PRELID2: variants seen among roughly 807,000 people sequenced by gnomAD.
The protein encoded by PRELID2 is PRELI domain containing 2.
In PRELID2, 25 loss-of-function variants were observed where a neutral mutation model predicts 28.4. The observed-to-expected ratio is 0.88, with a 90% CI of 0.64 to 1.23. The LOEUF is 1.23. Ranked by LOEUF, PRELID2 falls within the 50% of genes most tolerant of loss-of-function variation. PRELID2 has a pLI of 0.00. For missense variants in PRELID2, 201 were observed against 214.4 expected (o/e 0.94, Z 0.39); for synonymous variants, 76 against 71.6 (o/e 1.06, Z -0.31).
At chr5:145,515,356 G>T (rs1752506108) in intron 1 of PRELID2, among the ~76,000 whole-genome samples, 1 of 152,168 alleles carries the variant, frequency 6.6e-6, no homozygotes, top group Non-Finnish European at 1.5e-5. Context: ...TGCCATCAGA[G>T]AATACTTTAA....
chr5:145,424,048 GGGGGTCA>G, the PRELID2 span, among the ~76,000 whole-genome samples: 1 of 140,554 alleles, frequency 7.1e-6, no homozygotes, highest in East Asian at 2.2e-4. Flanking sequence ...TAGGCTGCTC[GGGGGTCA>G]GGGGTCAGGG....
intron 1 of PRELID2, among the ~76,000 whole-genome samples, chr5:145,533,685 C>T (rs55654322): frequency 0.1 from 15,692 of 152,056 alleles, 849 homozygotes; most frequent in Non-Finnish European, 0.12. Context: ...ATATTTCCCT[C>T]TTAAATACTG....
At chr5:145,419,655 G>A in the PRELID2 span, among the ~76,000 whole-genome samples, 963 of 151,956 alleles carry the variant, frequency 6.3e-3, 9 homozygotes, top group African/African-American at 0.022. Context: ...AGTAGGTTGC[G>A]AAAATTTTCT....
At chr5:145,354,822 G>A in the PRELID2 span, among the ~76,000 whole-genome samples, 1 of 152,118 alleles carries the variant, frequency 6.6e-6, no homozygotes, top group Non-Finnish European at 1.5e-5. Context: ...TTAGGGCAGG[G>A]GGAGATTAGT....
At chr5:145,266,220 T>C in the PRELID2 span, among the ~76,000 whole-genome samples, 1 of 152,036 alleles carries the variant, frequency 6.6e-6, no homozygotes, top group South Asian at 2.1e-4. Context: ...CTTAGCTGTG[T>C]AGGGGAAATC....
chr5:145,412,488 T>C, the PRELID2 span, among the ~76,000 whole-genome samples: 3 of 152,198 alleles, frequency 2.0e-5, 1 homozygote, highest in East Asian at 5.8e-4. Flanking sequence ...CATATCACTA[T>C]AGCATTTTGG....
chr5:145,835,093 C>T, intron 1 of PRELID2, 84 bp downstream of exon 1: 1 of 950,142 alleles, frequency 1.1e-6, no homozygotes, highest in Non-Finnish European at 1.6e-6. Context: ...CTGGCGGTGC[C>T]AGCTTCCGCG....
intron 5 of PRELID2, among the ~76,000 whole-genome samples, chr5:145,784,173 A>C (rs993767703): frequency 6.6e-6 from 1 of 151,572 alleles, no homozygotes; most frequent in Non-Finnish European, 1.5e-5. Context: ...AGTCTCAGCT[A>C]CTTGGGAGGT....
intron 2 of PRELID2, among the ~76,000 whole-genome samples, chr5:145,821,175 GTGTGTGTAAGTCCTCTTC>G (rs1754774805): frequency 1.0e-5 from 1 of 99,348 alleles, no homozygotes; most frequent in African/African-American, 3.3e-5. Flanking sequence ...GTGTGTGTGT[GTGTGTGTAAGTCCTCTTC>G]TGTGTGTGTG....
the PRELID2 span, among the ~76,000 whole-genome samples, chr5:145,233,716 C>T: frequency 2.0e-5 from 3 of 152,132 alleles, no homozygotes; most frequent in Non-Finnish European, 4.4e-5. Flanking sequence ...CAGTAAACAT[C>T]GTTTCTATTG....
rs567654172 is a variant in PRELID2 at position 145,695,313 on chromosome 5, C to T, written n.70+69618G>A. ...CTGCTTAAGTACAGCAAAGAACGTG[C>T]GCAAAAGCCCTGAGGCAGAAAAGAG... is the stretch of plus-strand genomic sequence containing the variant. On this transcript the variant is annotated intron_variant and non_coding_transcript_variant, in intron 1 of 2. Transcript: ENST00000510259. 7.9e-5 allele frequency among the ~76,000 whole-genome samples: 12 copies of T among 152,232 alleles called. No individual in the cohort carries two copies. In the South Asian group the frequency reaches 1.0e-3, roughly 13 times the overall value.
At chr5:145,687,311 A>G (rs865841817) in intron 1 of PRELID2, among the ~76,000 whole-genome samples, 2 of 152,200 alleles carry the variant, frequency 1.3e-5, no homozygotes, top group Admixed American at 6.5e-5. Flanking sequence ...TAGCTCTGCC[A>G]TTTGCTTCCT....
rs555893425 is a variant in PRELID2 at position 145,472,741 on chromosome 5, C to A, written n.186+459G>T. Among the ~76,000 whole-genome samples, 5 of 152,048 alleles carry A rather than the reference C, an allele frequency of 3.3e-5. No homozygotes were observed. The South Asian group carries it at 8.3e-4, about 25-fold the overall frequency. On this transcript the variant is annotated intron_variant and non_coding_transcript_variant, in intron 2 of 2. Coordinates refer to the PRELID2 transcript ENST00000510259. Reference sequence around the variant, plus strand: ...AAATGGTACAGAACAATTTCCTTGTCTTCCTGCTAGATTTACAGAGGAGAC... The same window carrying A: ...AAATGGTACAGAACAATTTCCTTGTATTCCTGCTAGATTTACAGAGGAGAC...
chr5:145,738,238 T>C (rs2149733379), intron 1 of PRELID2, among the ~76,000 whole-genome samples: 1 of 152,038 alleles, frequency 6.6e-6, no homozygotes, highest in East Asian at 1.9e-4. Context: ...CTAAAACAGA[T>C]CATTTAAATA....
intron 5 of PRELID2, among the ~76,000 whole-genome samples, chr5:145,793,263 TTAA>T (rs1752513241): frequency 6.6e-6 from 1 of 152,140 alleles, no homozygotes; most frequent in Admixed American, 6.6e-5. Flanking sequence ...AAGCCAGCTT[TTAA>T]TTTACAAACA....
chr5:145,254,072 T>C, the PRELID2 span, among the ~76,000 whole-genome samples: 1 of 152,054 alleles, frequency 6.6e-6, no homozygotes, highest in Admixed American at 6.6e-5. Context: ...GCTGAGAACT[T>C]GTGCATGAGG....
intron 1 of PRELID2, among the ~76,000 whole-genome samples, chr5:145,718,892 T>C (rs1007459806): frequency 6.6e-6 from 1 of 151,962 alleles, no homozygotes; most frequent in African/African-American, 2.4e-5. Flanking sequence ...GGGTAACAGG[T>C]AGAACCATAA....
Position 145,623,461 on chromosome 5 carries a change from T to A in PRELID2, n.70+141470A>T, listed in dbSNP as rs1223727319. Among the ~76,000 whole-genome samples the A allele has an allele frequency of 2.7e-3, 405 of 148,880 alleles. 2 individuals carry two copies. The highest frequency in any genetic ancestry group is 8.1e-3 in the African/African-American group (328 of 40,740). On this transcript the variant is annotated intron_variant and non_coding_transcript_variant, in intron 1 of 2. Transcript: ENST00000510259. The stretch of plus-strand genomic sequence containing the variant: ...AAACTCCTTCTCAAAAAAAAATAAA[T>A]AAATAAATAAATAAAACAAAAACTA...
At chr5:145,266,646 C>G in the PRELID2 span, among the ~76,000 whole-genome samples, 1 of 152,124 alleles carries the variant, frequency 6.6e-6, no homozygotes, top group Admixed American at 6.6e-5. Context: ...CCTTAAAGAA[C>G]TAAAAGTTGC....
Sources: allele counts gnomAD v4.1 joint callset (sites outside exome capture counted in the v4.1 genomes callset), GRCh38; gene constraint gnomAD v4.1.1; transcripts MANE v1.5; gene names NCBI Gene and HGNC (gene_info 2026-07-23, HGNC 2026-07-21).